Variants in KCTD8 observed in about 807,000 individuals in gnomAD.
KCTD8 encodes potassium channel tetramerization domain containing 8.
A neutral mutation model predicts 31.5 loss-of-function variants in KCTD8; 27 were observed. The ratio of observed to expected loss-of-function variants is 0.86; its 90% CI spans 0.63 to 1.18. The LOEUF is 1.18. KCTD8 is among the 50% of genes most tolerant of loss of function. KCTD8 has a pLI of 0.00. For synonymous variants in KCTD8, 290 were observed against 280.0 expected (o/e 1.04, Z -0.36); for missense variants, 658 against 647.7 (o/e 1.02, Z -0.17).
chr4:44,234,597 G>C (rs182465431), intron 1 of KCTD8, among the ~76,000 whole-genome samples: 1 of 152,238 alleles, frequency 6.6e-6, no homozygotes, highest in Admixed American at 6.5e-5. Context: ...AGACAGCAGG[G>C]TATAACTCCA....
intron 1 of KCTD8, among the ~76,000 whole-genome samples, chr4:44,422,058 G>A (rs1721224984): frequency 6.6e-6 from 1 of 151,882 alleles, no homozygotes; most frequent in Non-Finnish European, 1.5e-5. Context: ...TATACTTAAT[G>A]TAACAAACTG....
intron 1 of KCTD8, among the ~76,000 whole-genome samples, chr4:44,242,353 C>T (rs1002045768): frequency 4.6e-5 from 7 of 151,848 alleles, no homozygotes; most frequent in East Asian, 1.9e-4. Context: ...CCGACGCAGG[C>T]GGATCACGAG....
chr4:44,272,121 T>TTATATATATATATATA lies in KCTD8; in HGVS notation c.962-96887_962-96872dup, dbSNP rs34459205. 1.0e-3 allele frequency among the ~76,000 whole-genome samples: 146 copies of TTATATATATATATATA among 142,526 alleles called. 1 individual carries two copies. The highest frequency in any genetic ancestry group is 3.8e-3 in the African/African-American group (140 of 36,590). The allele number at this position is 142,526 out of a possible 152,430, so 93.5% of individuals were successfully genotyped here. On this transcript the variant is annotated intron_variant, in intron 1 of 1. Coordinates refer to ENST00000360029, the MANE Select transcript of KCTD8 (RefSeq NM_198353.3). ...ATCAATAAATACCCATGGTATTATA[T>TTATATATATATATATA]TATATATATATATATATATAAATGC... is the stretch of plus-strand genomic sequence containing the variant.
At chr4:44,335,840 A>T (rs1277872496) in intron 1 of KCTD8, among the ~76,000 whole-genome samples, 1 of 152,118 alleles carries the variant, frequency 6.6e-6, no homozygotes, top group Non-Finnish European at 1.5e-5. Flanking sequence ...CCTTTTGGGA[A>T]CCCCAACCCA....
At chr4:44,266,874 G>A (rs1399687215) in intron 1 of KCTD8, among the ~76,000 whole-genome samples, 4 of 151,524 alleles carry the variant, frequency 2.6e-5, no homozygotes, top group Admixed American at 2.6e-4. Context: ...CCCAATACAG[G>A]AGCACCCAGA....
intron 1 of KCTD8, among the ~76,000 whole-genome samples, chr4:44,409,183 C>T (rs566537670): frequency 3.3e-5 from 5 of 150,752 alleles, no homozygotes; most frequent in African/African-American, 1.2e-4. Flanking sequence ...GTGATTGTGC[C>T]ATTGTACTCA....
chr4:44,275,245 G>A (rs1716721009), intron 1 of KCTD8, among the ~76,000 whole-genome samples: 1 of 151,866 alleles, frequency 6.6e-6, no homozygotes, highest in African/African-American at 2.4e-5. Context: ...ACACACAGTG[G>A]GGTGTGAATA....
At chr4:44,279,184 A>T (rs1000520723) in intron 1 of KCTD8, among the ~76,000 whole-genome samples, 4 of 152,082 alleles carry the variant, frequency 2.6e-5, no homozygotes, top group Non-Finnish European at 5.9e-5. Flanking sequence ...TAAACTTAGC[A>T]ACTTCAATAA....
intron 1 of KCTD8, among the ~76,000 whole-genome samples, chr4:44,286,413 A>G (rs544792807): frequency 2.4e-4 from 37 of 152,208 alleles, no homozygotes; most frequent in Admixed American, 2.4e-3. Context: ...TACTGTTTAA[A>G]CCCTTTATAA....
chr4:44,447,919 T>C lies in KCTD8; in HGVS notation c.605A>G (p.Gln202Arg), dbSNP rs1475112626. 1.4e-6 allele frequency: 2 copies of C among 1,441,452 alleles called. No individual in the cohort carries two copies. The highest frequency in any genetic ancestry group is 5.5e-5 in the Admixed American group (2 of 36,228). The allele number at this position is 1,441,452 out of a possible 1,614,324, so 89.3% of individuals were successfully genotyped here. ...CGTGAGGAAGCCCGAGCGCTTGTCCTGCGCGCCGCCGCCGCCGCCACCACC... is the reference window on the plus strand; with the variant it reads ...CGTGAGGAAGCCCGAGCGCTTGTCCCGCGCGCCGCCGCCGCCGCCACCACC... ...AHGGGGGGGAQDKRSGFLTLG... is the reference protein window; with the variant it reads ...AHGGGGGGGARDKRSGFLTLG... The change falls in exon 1 of 2, where the codon CAG (glutamine) becomes CGG (arginine). Residue 202 changes from glutamine (Q) to arginine (R), a missense_variant. Coordinates refer to ENST00000360029, the MANE Select transcript of KCTD8 (RefSeq NM_198353.3).
At position 44,276,350 on chromosome 4, in the gene KCTD8, G is replaced by A. The variant is rs112315217; in HGVS notation, c.962-101100C>T. Among the ~76,000 whole-genome samples the A allele has an allele frequency of 7.8e-3, 1,183 of 151,926 alleles. 15 individuals are homozygous for A. Among genetic ancestry groups the A allele is most frequent in the African/African-American group, 0.027 (1,102 of 41,468 alleles). On this transcript the variant is annotated intron_variant, in intron 1 of 1. Coordinates refer to ENST00000360029, the MANE Select transcript of KCTD8 (RefSeq NM_198353.3). ...TTTATGTTATATATCCTTTAATAAT[G>A]TATTCTAGGTGGAAATTAATACAGA... is the stretch of plus-strand genomic sequence containing the variant.
chr4:44,265,115 C>T (rs1405600426), intron 1 of KCTD8, among the ~76,000 whole-genome samples: 1 of 152,170 alleles, frequency 6.6e-6, no homozygotes, highest in Non-Finnish European at 1.5e-5. Context: ...CTCCTGACCC[C>T]TGAGCAGACT....
chr4:44,287,514 T>G (rs1386719673), intron 1 of KCTD8, among the ~76,000 whole-genome samples: 1 of 152,142 alleles, frequency 6.6e-6, no homozygotes, highest in East Asian at 1.9e-4. Flanking sequence ...AAAAGGAAAT[T>G]TATCTATCTC....
intron 1 of KCTD8, among the ~76,000 whole-genome samples, chr4:44,341,379 T>A (rs1274428894): frequency 6.6e-6 from 1 of 152,210 alleles, no homozygotes; most frequent in Non-Finnish European, 1.5e-5. Context: ...GATTGCCTCA[T>A]TGATGGATTT....
At chr4:44,294,685 T>C (rs1717378734) in intron 1 of KCTD8, among the ~76,000 whole-genome samples, 1 of 152,214 alleles carries the variant, frequency 6.6e-6, no homozygotes, top group African/African-American at 2.4e-5. Context: ...AGAAGAATGT[T>C]AACTCTCTAT....
intron 1 of KCTD8, among the ~76,000 whole-genome samples, chr4:44,207,563 C>T (rs1332314832): frequency 6.6e-6 from 1 of 152,178 alleles, no homozygotes; most frequent in Non-Finnish European, 1.5e-5. Context: ...TACTGAAAGT[C>T]CCTGCACATT....
At chr4:44,268,760 A>T (rs1257498423) in intron 1 of KCTD8, among the ~76,000 whole-genome samples, 2 of 152,168 alleles carry the variant, frequency 1.3e-5, no homozygotes, top group Non-Finnish European at 2.9e-5. Context: ...ACAGACAGAG[A>T]GCCAAATCAT....
At chr4:44,335,876 C>T (rs184271655) in intron 1 of KCTD8, among the ~76,000 whole-genome samples, 12 of 152,052 alleles carry the variant, frequency 7.9e-5, no homozygotes, top group East Asian at 5.8e-4. Context: ...AAAGGCCGGG[C>T]GCGGTGGCTC....
chr4:44,277,639 G>T (rs1000593465), intron 1 of KCTD8, among the ~76,000 whole-genome samples: 9 of 151,860 alleles, frequency 5.9e-5, no homozygotes, highest in African/African-American at 2.2e-4. Flanking sequence ...GTTTTTCCTC[G>T]ATAATTAATT....
Sources: allele counts gnomAD v4.1 joint callset (sites outside exome capture counted in the v4.1 genomes callset), GRCh38; gene constraint gnomAD v4.1.1; transcripts MANE v1.5; gene names NCBI Gene and HGNC (gene_info 2026-07-23, HGNC 2026-07-21).